Variants in STAMBP observed in about 807,000 individuals in gnomAD.
The protein encoded by STAMBP is STAM-binding protein.
Under a neutral mutation model 50.7 loss-of-function variants are expected in STAMBP, and 31 were observed. The ratio of observed to expected loss-of-function variants is 0.61; its 90% CI spans 0.46 to 0.83. The LOEUF is 0.83. STAMBP is among the 40% of genes least tolerant of loss of function. STAMBP has a pLI of 0.00. For synonymous variants in STAMBP, 211 were observed against 192.4 expected, an observed-to-expected ratio of 1.10 and a Z score of -0.80; for missense variants, 472 against 518.9, an observed-to-expected ratio of 0.91 and a Z score of 0.88.
chr2:73,868,560 T>C (rs148459891), downstream of STAMBP, among the ~76,000 whole-genome samples: 19 of 152,240 alleles, frequency 1.2e-4, no homozygotes, highest in East Asian at 2.3e-3. Context: ...AAAATCAACA[T>C]TTATTTTTTA....
At chr2:73,844,527 A>G (rs1281034258) in intron 2 of STAMBP, 1 of 208,938 alleles carries the variant, frequency 4.8e-6, no homozygotes, top group Non-Finnish European at 9.5e-6. Flanking sequence ...CTTTGGAGGT[A>G]CATTTTTGGG....
chr2:73,847,279 C>T (rs931885948), intron 4 of STAMBP, 108 bp from the exon 5 acceptor site: 5 of 1,369,358 alleles, frequency 3.7e-6, no homozygotes, highest in Non-Finnish European at 5.0e-6. Context: ...GGTAATCAGG[C>T]CACAGCAGAA....
At chr2:73,832,112 C>CACACAA (rs1037600275) in intron 2 of STAMBP, among the ~76,000 whole-genome samples, 1 of 78,020 alleles carries the variant, frequency 1.3e-5, no homozygotes, top group African/African-American at 6.5e-5. Context: ...TATATATACA[C>CACACAA]ATATATATGG....
chr2:73,845,952 G>A (rs893966904), intron 4 of STAMBP, among the ~76,000 whole-genome samples: 2 of 152,168 alleles, frequency 1.3e-5, no homozygotes, highest in African/African-American at 4.8e-5. Flanking sequence ...ATTTTCAAAT[G>A]ATTCTTTTTA....
Position 73,867,059 on chromosome 2 carries a change from G to T in STAMBP, c.*4800G>T, listed in dbSNP as rs1392549040. On this transcript the variant is annotated 3_prime_UTR_variant, in exon 10 of 10. Coordinates refer to ENST00000394070, the MANE Select transcript of STAMBP (RefSeq NM_213622.4). ...TTTATTGCTAGCTTATGTGTCTAAA[G>T]TATACTCCTTGAGAACAGCAACTTT... 6.6e-6 allele frequency: 1 copy of T among 152,182 alleles called. No homozygotes were observed. Among genetic ancestry groups the T allele is most frequent in the African/African-American group, 2.4e-5 (1 of 41,438 alleles). 9.4% of individuals were successfully genotyped at this position (152,182 alleles called of 1,614,324 possible). A position where few individuals can be genotyped will look rare whatever the true frequency, so the allele number is the denominator to read the frequency against.
At chr2:73,848,393 G>T (rs533567726) in intron 5 of STAMBP, among the ~76,000 whole-genome samples, 5 of 152,100 alleles carry the variant, frequency 3.3e-5, no homozygotes, top group South Asian at 4.2e-4. Context: ...GTAAATAACT[G>T]CCCAGATTGT....
chr2:73,855,423 G>A (rs1677423786), intron 7 of STAMBP, among the ~76,000 whole-genome samples: 1 of 152,244 alleles, frequency 6.6e-6, no homozygotes, highest in Non-Finnish European at 1.5e-5. Context: ...AGTAGTTAGA[G>A]AGGAGCAGGG....
chr2:73,846,274 C>G (rs192619219), intron 4 of STAMBP, among the ~76,000 whole-genome samples: 8 of 151,666 alleles, frequency 5.3e-5, no homozygotes, highest in Non-Finnish European at 5.9e-5. Flanking sequence ...TGCACAAAAA[C>G]CATAAAAATT....
intron 4 of STAMBP, among the ~76,000 whole-genome samples, chr2:73,846,355 A>C (rs535443761): frequency 6.6e-6 from 1 of 152,162 alleles, no homozygotes; most frequent in Non-Finnish European, 1.5e-5. Flanking sequence ...TAATCCTAGC[A>C]CTTTGGGAGC....
At chr2:73,855,954 G>C (rs1249871439) in intron 7 of STAMBP, among the ~76,000 whole-genome samples, 1 of 152,194 alleles carries the variant, frequency 6.6e-6, no homozygotes, top group Admixed American at 6.5e-5. Flanking sequence ...GTGCTTTTCT[G>C]TCAGTGAAGG....
intron 7 of STAMBP, among the ~76,000 whole-genome samples, chr2:73,851,748 T>C (rs534707062): frequency 6.6e-6 from 1 of 151,810 alleles, no homozygotes; most frequent in East Asian, 1.9e-4. Flanking sequence ...CAAGCGATTC[T>C]CCTACCTCAG....
downstream of STAMBP, among the ~76,000 whole-genome samples, chr2:73,869,300 CT>C (rs1312960687): frequency 3.9e-5 from 6 of 152,064 alleles, no homozygotes; most frequent in African/African-American, 1.4e-4. Flanking sequence ...ATATAAAATA[CT>C]TTGGAACAAA....
At chr2:73,834,590 G>T (rs533477814) in intron 2 of STAMBP, among the ~76,000 whole-genome samples, 1 of 152,124 alleles carries the variant, frequency 6.6e-6, no homozygotes, top group East Asian at 1.9e-4. Context: ...GGCAGTGGCA[G>T]AAGTAAATCC....
Position 73,862,921 on chromosome 2 carries a change from A to G in STAMBP, c.*662A>G, listed in dbSNP as rs560124520. ...TTCAGAGTGATCCATTTGATCAAGC[A>G]TTGTATAAACAGGTTAAAAAAAAGG... On this transcript the variant is annotated 3_prime_UTR_variant, in exon 10 of 10. Transcript: ENST00000394070. 1 of 141,612 alleles carries G rather than the reference A, an allele frequency of 7.1e-6. No individual in the cohort carries two copies. Among genetic ancestry groups the G allele is most frequent in the Non-Finnish European group, 1.5e-5 (1 of 66,786 alleles). The allele number at this position is 141,612 out of a possible 1,614,324, so 8.8% of individuals were successfully genotyped here.
rs984757455 is a variant in STAMBP, at chr2:73,863,450, G to A, written c.*1191G>A. 4 of 152,138 alleles carry A rather than the reference G, an allele frequency of 2.6e-5. No individual in the cohort carries two copies. The highest frequency in any genetic ancestry group is 7.2e-5 in the African/African-American group (3 of 41,424). The allele number at this position is 152,138 out of a possible 1,614,324, so 9.4% of individuals were successfully genotyped here. The stretch of plus-strand genomic sequence containing the variant: ...TTCTTTATCAGAATTCTAGGTGGGG[G>A]AGGGAGAATCTGTGAATGCATAAAG... On this transcript the variant is annotated 3_prime_UTR_variant, in exon 10 of 10. Coordinates refer to ENST00000394070, the MANE Select transcript of STAMBP (RefSeq NM_213622.4).
chr2:73,839,630 T>A (rs1207773056), intron 2 of STAMBP, among the ~76,000 whole-genome samples: 2 of 152,224 alleles, frequency 1.3e-5, no homozygotes, highest in African/African-American at 4.8e-5. Flanking sequence ...TTAGTTGTTT[T>A]CATACAAAAT....
chr2:73,868,831 C>T (rs567006825), downstream of STAMBP, among the ~76,000 whole-genome samples: 30 of 151,922 alleles, frequency 2.0e-4, no homozygotes, highest in African/African-American at 5.8e-4. Context: ...GCTGTGATAG[C>T]GCCACTGCAC....
chr2:73,831,166 A>G, intron 2 of STAMBP, 107 bp downstream of exon 2: 4 of 911,862 alleles, frequency 4.4e-6, no homozygotes, highest in Non-Finnish European at 6.9e-6. Flanking sequence ...AACATTAATC[A>G]TTTTTGCTGG....
At chr2:73,831,146 C>A in intron 2 of STAMBP, 87 bp downstream of exon 2, 1 of 1,054,034 alleles carries the variant, frequency 9.5e-7, no homozygotes, top group South Asian at 1.4e-5. Flanking sequence ...CAGAACTTCA[C>A]AATATCATCA....
Sources: allele counts gnomAD v4.1 joint callset (sites outside exome capture counted in the v4.1 genomes callset), GRCh38; gene constraint gnomAD v4.1.1; transcripts MANE v1.5; gene names NCBI Gene and HGNC (gene_info 2026-07-23, HGNC 2026-07-21).